Variants in SHLD1 observed in about 807,000 individuals in gnomAD.
SHLD1 encodes RINN1-REV7-interacting novel NHEJ regulator 3.
In SHLD1, 3 loss-of-function variants were observed where a neutral mutation model predicts 5.5. The observed-to-expected ratio is 0.54, with a 90% CI of 0.25 to 1.40. SHLD1 has a LOEUF of 1.40. Among genes scored for constraint, SHLD1 ranks in the 40% most tolerant of loss-of-function variants. SHLD1 has a pLI of 0.15. For missense variants in SHLD1, 210 were observed against 244.4 expected (o/e 0.86, Z 0.94); for synonymous variants, 92 against 94.3 (o/e 0.98, Z 0.14).
chr20:5,857,653 A>C (rs2088106409), intron 2 of SHLD1, among the ~76,000 whole-genome samples: 1 of 151,676 alleles, frequency 6.6e-6, no homozygotes, highest in Non-Finnish European at 1.5e-5. Context: ...TACAAAAAAT[A>C]GAAAAAAGTT....
At chr20:5,767,951 C>T (rs1403325664) in intron 1 of SHLD1, among the ~76,000 whole-genome samples, 10 of 151,030 alleles carry the variant, frequency 6.6e-5, no homozygotes, top group Admixed American at 1.3e-4. Context: ...TGTCCTTTCC[C>T]GTTTACTCAC....
At position 5,803,829 on chromosome 20, in the gene SHLD1, G is replaced by A. The variant is rs374223043; in HGVS notation, c.178+30786G>A. On this transcript the variant is annotated intron_variant, in intron 2 of 2. Transcript: ENST00000303142. ...GGAGGTTGCAGTGAACCGAGATCGC[G>A]CCACTGCACTCCAGCCTGATGACAG... Among the ~76,000 whole-genome samples, 23 of 150,660 alleles carry A rather than the reference G, an allele frequency of 1.5e-4. 2 individuals carry two copies. The highest frequency in any genetic ancestry group is 7.9e-4 in the Admixed American group (12 of 15,112).
chr20:5,861,728 A>AG (rs900489291), intron 2 of SHLD1, among the ~76,000 whole-genome samples: 3 of 152,210 alleles, frequency 2.0e-5, no homozygotes, highest in African/African-American at 7.2e-5. Context: ...TAGCAAAACT[A>AG]GGGCCCAAAC....
chr20:5,781,037 A>G (rs564932521), intron 2 of SHLD1, among the ~76,000 whole-genome samples: 2 of 152,348 alleles, frequency 1.3e-5, no homozygotes, highest in African/African-American at 4.8e-5. Context: ...TCATTCCAGT[A>G]TGAGTATGTA....
chr20:5,819,379 T>C (rs1783565762), intron 2 of SHLD1, among the ~76,000 whole-genome samples: 1 of 152,248 alleles, frequency 6.6e-6, no homozygotes, highest in Non-Finnish European at 1.5e-5. Context: ...CTGTTATTTC[T>C]CATTCCAAAC....
chr20:5,854,890 A>G (rs2088062327), intron 2 of SHLD1, among the ~76,000 whole-genome samples: 1 of 67,226 alleles, frequency 1.5e-5, no homozygotes, highest in Non-Finnish European at 2.5e-5. Flanking sequence ...TTTTTAAGAG[A>G]CAGGTCTTGT....
chr20:5,834,278 T>G (rs2087764106), intron 2 of SHLD1, among the ~76,000 whole-genome samples: 1 of 152,200 alleles, frequency 6.6e-6, no homozygotes, highest in Non-Finnish European at 1.5e-5. Context: ...TCCTATCCTG[T>G]GAGTCCTTCT....
At chr20:5,851,292 C>T (rs1202342591) in intron 2 of SHLD1, among the ~76,000 whole-genome samples, 2 of 152,208 alleles carry the variant, frequency 1.3e-5, no homozygotes, top group East Asian at 3.9e-4. Flanking sequence ...TTGAGACCAG[C>T]CTGACCAACA....
At chr20:5,752,036 T>C (rs1004736570) in intron 1 of SHLD1, among the ~76,000 whole-genome samples, 1 of 152,128 alleles carries the variant, frequency 6.6e-6, no homozygotes, top group African/African-American at 2.4e-5. Context: ...GTTGTGTGGT[T>C]CAAGGTCCTT....
At chr20:5,792,421 T>C (rs1233284212) in intron 2 of SHLD1, among the ~76,000 whole-genome samples, 1 of 152,084 alleles carries the variant, frequency 6.6e-6, no homozygotes, top group African/African-American at 2.4e-5. Flanking sequence ...TGTTTGTTTG[T>C]TTGTTTTTGT....
chr20:5,773,442 T>C (rs1056391706), intron 2 of SHLD1: 5 of 412,534 alleles, frequency 1.2e-5, no homozygotes, highest in Non-Finnish European at 2.2e-5. Flanking sequence ...ATAGAGACTT[T>C]AGCATTCCTT....
rs544569042 is a variant in SHLD1 at position 5,758,254 on chromosome 20, G to A, written c.-5+7775G>A. ...GGGGCCTGAGGTACAAGCTAAGGTG[G>A]GGGGATTTGGGCTAGAGATGTTTCT... On this transcript the variant is annotated intron_variant, in intron 1 of 2. Coordinates refer to ENST00000303142, the MANE Select transcript of SHLD1 (RefSeq NM_152504.4). Among the ~76,000 whole-genome samples, 415 of 147,014 alleles carry A rather than the reference G, an allele frequency of 2.8e-3. 4 individuals are homozygous for A. Among genetic ancestry groups the A allele is most frequent in the African/African-American group, 0.01 (399 of 39,374 alleles).
intron 1 of SHLD1, among the ~76,000 whole-genome samples, chr20:5,756,121 G>A (rs758487231): frequency 1.3e-4 from 19 of 151,930 alleles, no homozygotes; most frequent in Non-Finnish European, 2.4e-4. Context: ...AAAAGTATAA[G>A]GAGGCATCTC....
chr20:5,832,773 GA>G (rs1193053415), intron 2 of SHLD1, among the ~76,000 whole-genome samples: 2 of 150,642 alleles, frequency 1.3e-5, no homozygotes, highest in Admixed American at 1.3e-4. Context: ...GTGTACCCCT[GA>G]ACTTAAAAGC....
At chr20:5,777,132 G>A (rs750095544) in intron 2 of SHLD1, among the ~76,000 whole-genome samples, 4 of 152,024 alleles carry the variant, frequency 2.6e-5, no homozygotes, top group African/African-American at 4.8e-5. Context: ...GGGATTACAG[G>A]CGTGCACCAC....
At chr20:5,783,743 C>G (rs927126873) in intron 2 of SHLD1, among the ~76,000 whole-genome samples, 2 of 152,176 alleles carry the variant, frequency 1.3e-5, no homozygotes, top group Non-Finnish European at 2.9e-5. Flanking sequence ...TCTTTAGGAA[C>G]TACAAGTTTG....
chr20:5,804,142 C>T (rs1287028), intron 2 of SHLD1, among the ~76,000 whole-genome samples: 21,837 of 151,562 alleles, frequency 0.14, 1,973 homozygotes, highest in Non-Finnish European at 0.21. Context: ...AAAACCTCAT[C>T]TCTACTAAAA....
chr20:5,857,883 A>G (rs183267046), intron 2 of SHLD1, among the ~76,000 whole-genome samples: 1 of 152,206 alleles, frequency 6.6e-6, no homozygotes, highest in African/African-American at 2.4e-5. Context: ...GTGGATCACG[A>G]GGTCAGGAGA....
chr20:5,812,276 A>T (rs1388417112), intron 2 of SHLD1, among the ~76,000 whole-genome samples: 9 of 152,008 alleles, frequency 5.9e-5, no homozygotes, highest in Admixed American at 4.6e-4. Context: ...TTTTTTTCTC[A>T]CGTATCCATG....
Sources: allele counts gnomAD v4.1 joint callset (sites outside exome capture counted in the v4.1 genomes callset), GRCh38; gene constraint gnomAD v4.1.1; transcripts MANE v1.5; gene names NCBI Gene and HGNC (gene_info 2026-07-23, HGNC 2026-07-21).